The following ASIP variants were observed in gnomAD, a reference collection of about 807,000 sequenced individuals.
The protein encoded by ASIP is agouti signaling protein.
In ASIP, 11 loss-of-function variants were observed where a neutral mutation model predicts 10.3. That is an observed-to-expected ratio of 1.07 (90% CI 0.68 to 1.78). The LOEUF is 1.78. Among genes scored for constraint, ASIP ranks in the 40% most tolerant of loss-of-function variants. ASIP has a pLI of 0.00. For missense variants in ASIP, 180 were observed against 169.2 expected, an observed-to-expected ratio of 1.06 and a Z score of -0.35; for synonymous variants, 70 against 70.8, an observed-to-expected ratio of 0.99 and a Z score of 0.06.
At chr20:34,258,777 T>TAA (rs2035632814) in intron 1 of ASIP, among the ~76,000 whole-genome samples, 1 of 102,026 alleles carries the variant, frequency 9.8e-6, no homozygotes, top group African/African-American at 3.6e-5. Flanking sequence ...ATAATATATA[T>TAA]AGTATATATA....
In ASIP at chr20:34,269,028, C is replaced by T. The variant is rs554065691; in HGVS notation, c.260C>T (p.Thr87Ile). 3.7e-6 allele frequency: 6 copies of T among 1,607,960 alleles called. No homozygotes were observed. Among genetic ancestry groups the T allele is most frequent in the East Asian group, 2.2e-5 (1 of 44,686 alleles). Residue 87 changes from threonine to isoleucine, a missense_variant, in exon 4 of 4, where the codon ACC becomes ATC. Coordinates refer to ENST00000374954, the MANE Select transcript of ASIP (RefSeq NM_001672.3). ...ATGAAGAAAGTGGTGCGGCCCCGGACCCCCCTATCTGCGCCCTGCGTGGCC... is the reference window on the plus strand; with the variant it reads ...ATGAAGAAAGTGGTGCGGCCCCGGATCCCCCTATCTGCGCCCTGCGTGGCC... ...ASMKKVVRPR[T>I]PLSAPCVATR... is the part of the protein sequence containing the mutation.
At chr20:34,244,781 T>C (rs2035341927) in intron 1 of ASIP, among the ~76,000 whole-genome samples, 1 of 152,168 alleles carries the variant, frequency 6.6e-6, no homozygotes, top group Non-Finnish European at 1.5e-5. Flanking sequence ...ATCTCCAGAA[T>C]AGCTCGAACA....
intron 1 of ASIP, chr20:34,214,380 T>C (rs962899511): frequency 6.0e-5 from 80 of 1,343,664 alleles, no homozygotes; most frequent in Admixed American, 1.0e-4. Flanking sequence ...CACAGATGTA[T>C]GCTGATAGGA....
chr20:34,263,255 T>C (rs1218553242), intron 3 of ASIP, among the ~76,000 whole-genome samples: 1 of 152,234 alleles, frequency 6.6e-6, no homozygotes, highest in Non-Finnish European at 1.5e-5. Flanking sequence ...CCTATTTATT[T>C]AACATATTTG....
At chr20:34,235,505 G>T (rs1055922510) in intron 1 of ASIP, among the ~76,000 whole-genome samples, 1 of 152,026 alleles carries the variant, frequency 6.6e-6, no homozygotes, top group South Asian at 2.1e-4. Flanking sequence ...GTTCACGAAG[G>T]TTCTATATGG....
chr20:34,241,014 A>G (rs1028004602), upstream of ASIP, among the ~76,000 whole-genome samples: 1 of 152,216 alleles, frequency 6.6e-6, no homozygotes, highest in Non-Finnish European at 1.5e-5. Context: ...ATCTCAGAGC[A>G]ACACGCCTTG....
intron 1 of ASIP, chr20:34,215,341 A>G: frequency 6.4e-7 from 1 of 1,574,666 alleles, no homozygotes; most frequent in South Asian, 1.1e-5. Flanking sequence ...CCATGATTCC[A>G]CCAGATTTGG....
chr20:34,258,700 A>ATATATATATATATAT (rs1555826880), intron 1 of ASIP, among the ~76,000 whole-genome samples: 3 of 77,918 alleles, frequency 3.9e-5, no homozygotes, highest in African/African-American at 1.4e-4. Flanking sequence ...TACATACTAT[A>ATATATATATATATAT]TATATATATT....
intron 1 of ASIP, among the ~76,000 whole-genome samples, chr20:34,201,050 TTC>T (rs2034895556): frequency 9.6e-6 from 1 of 103,704 alleles, no homozygotes; most frequent in East Asian, 2.3e-4. Context: ...CTTTCTTTCT[TTC>T]TTTCTTTCTT....
intron 1 of ASIP, among the ~76,000 whole-genome samples, chr20:34,254,006 C>T (rs2035527801): frequency 6.6e-6 from 1 of 152,056 alleles, no homozygotes; most frequent in African/African-American, 2.4e-5. Flanking sequence ...GTTGAGAAAC[C>T]CAGTTACACA....
upstream of ASIP, among the ~76,000 whole-genome samples, chr20:34,193,723 T>TGCAGTTTAG (rs2034837891): frequency 6.6e-6 from 1 of 152,236 alleles, no homozygotes; most frequent in Admixed American, 6.5e-5. Flanking sequence ...ACTGTTTATC[T>TGCAGTTTAG]GCAGTGTAGG....
intron 2 of ASIP, 140 bp downstream of exon 2, chr20:34,260,674 A>C: frequency 9.6e-7 from 1 of 1,039,070 alleles, no homozygotes; most frequent in Non-Finnish European, 1.4e-6. Flanking sequence ...TGGGAGAATA[A>C]GGTGGCCCTT....
chr20:34,260,578 CAGG>C, intron 2 of ASIP, 44 bp downstream of exon 2: 1 of 1,548,862 alleles, frequency 6.5e-7, no homozygotes. Context: ...AGAGGGGCTG[CAGG>C]AGATCAAGCA....
At chr20:34,261,990 G>A (rs954493298) in intron 2 of ASIP, among the ~76,000 whole-genome samples, 1 of 151,110 alleles carries the variant, frequency 6.6e-6, no homozygotes, top group African/African-American at 2.4e-5. Context: ...GTACATGCCT[G>A]TAATCCCAGC....
At chr20:34,247,309 T>C (rs1447787956) in intron 1 of ASIP, among the ~76,000 whole-genome samples, 1 of 151,136 alleles carries the variant, frequency 6.6e-6, no homozygotes, top group Non-Finnish European at 1.5e-5. Flanking sequence ...GCTTTTTTTT[T>C]TTTTTTTTTG....
chr20:34,267,231 A>T (rs2035800942), intron 3 of ASIP, among the ~76,000 whole-genome samples: 1 of 152,154 alleles, frequency 6.6e-6, no homozygotes. Flanking sequence ...ATAAATAGGT[A>T]AATAAATTCA....
upstream of ASIP, among the ~76,000 whole-genome samples, chr20:34,190,999 C>CAG (rs2034821491): frequency 2.0e-5 from 3 of 152,198 alleles, no homozygotes; most frequent in African/African-American, 7.2e-5. Flanking sequence ...GCAGCATGCA[C>CAG]CCCCATATGC....
chr20:34,188,019 AAATG>A, the ASIP span, among the ~76,000 whole-genome samples: 1 of 152,168 alleles, frequency 6.6e-6, no homozygotes, highest in African/African-American at 2.4e-5. Flanking sequence ...TGGCTGTGGG[AAATG>A]AGGGAGTGTA....
intron 1 of ASIP, among the ~76,000 whole-genome samples, chr20:34,205,624 C>G (rs560106752): frequency 9.5e-6 from 1 of 105,024 alleles, no homozygotes; most frequent in East Asian, 2.6e-4. Context: ...CTTATTTGGC[C>G]CCACCCACAT....
Sources: gnomAD v4.1 joint callset for allele counts (sites outside exome capture counted in the v4.1 genomes callset) on GRCh38, gnomAD v4.1.1 for gene constraint, MANE v1.5 for transcripts, NCBI Gene and HGNC (gene_info 2026-07-23, HGNC 2026-07-21) for gene names.